The following ZNF804B variants were observed in gnomAD, a reference collection of about 807,000 sequenced individuals.
The protein encoded by ZNF804B is zinc finger 804B.
A neutral mutation model predicts 101.4 loss-of-function variants in ZNF804B; 80 were observed. The observed-to-expected ratio is 0.79, with a 90% CI of 0.66 to 0.95. The LOEUF is 0.95. Among genes scored for constraint, ZNF804B ranks in the 40% least tolerant of loss-of-function variants. The pLI is 0.00. For missense variants in ZNF804B, 1,673 were observed against 1,561.9 expected (o/e 1.07, Z -1.20); for synonymous variants, 622 against 558.8 (o/e 1.11, Z -1.59).
At chr7:88,834,882 C>A (rs1203926253) in intron 1 of ZNF804B, among the ~76,000 whole-genome samples, 3 of 151,764 alleles carry the variant, frequency 2.0e-5, no homozygotes, top group African/African-American at 7.3e-5. Flanking sequence ...GAAATACTCA[C>A]TTGCAAAATG....
Position 89,285,522 on chromosome 7 carries a change from C to CAAAAAAAAAAAA in ZNF804B, c.250-41807_250-41796dup, listed in dbSNP as rs778078214. Reference sequence around the variant, plus strand: ...TGGGCGAGAGAGCGAGACTCTGTCTCAAAAAAAAAAAAAAAAAAAAAAAAA... The same window carrying CAAAAAAAAAAAA: ...TGGGCGAGAGAGCGAGACTCTGTCTCAAAAAAAAAAAAAAAAAAAAAAAAAAAAAAAAAAAAA... On this transcript the variant is annotated intron_variant, in intron 2 of 3. Transcript: ENST00000333190. Among the ~76,000 whole-genome samples the CAAAAAAAAAAAA allele has an allele frequency of 3.1e-3, 70 of 22,390 alleles. 3 individuals are homozygous for CAAAAAAAAAAAA. Among genetic ancestry groups the CAAAAAAAAAAAA allele is most frequent in the African/African-American group, 3.8e-3 (25 of 6,566 alleles). 14.7% of individuals were successfully genotyped at this position (22,390 alleles called of 152,430 possible). A position where few individuals can be genotyped will look rare whatever the true frequency, so the allele number is the denominator to read the frequency against.
At chr7:88,990,339 T>A (rs1047147217) in intron 1 of ZNF804B, among the ~76,000 whole-genome samples, 1 of 152,058 alleles carries the variant, frequency 6.6e-6, no homozygotes, top group East Asian at 1.9e-4. Flanking sequence ...TGTATCCTTT[T>A]CCAAATTTAG....
At chr7:89,247,993 G>A (rs1254679942) in intron 2 of ZNF804B, among the ~76,000 whole-genome samples, 1 of 152,176 alleles carries the variant, frequency 6.6e-6, no homozygotes, top group East Asian at 1.9e-4. Flanking sequence ...CCAAGCCAAA[G>A]TAAGAATTTC....
intron 2 of ZNF804B, among the ~76,000 whole-genome samples, chr7:89,284,314 C>G (rs1425402002): frequency 6.6e-6 from 1 of 152,168 alleles, no homozygotes; most frequent in East Asian, 1.9e-4. Context: ...AAAACGATAT[C>G]TCTCAGTTCT....
At chr7:89,100,957 C>G (rs915297263) in intron 1 of ZNF804B, among the ~76,000 whole-genome samples, 3 of 151,834 alleles carry the variant, frequency 2.0e-5, no homozygotes, top group African/African-American at 7.3e-5. Flanking sequence ...TGTATATACA[C>G]AGGTATGTAT....
chr7:89,196,445 A>G (rs899662030), intron 1 of ZNF804B, among the ~76,000 whole-genome samples: 2 of 152,138 alleles, frequency 1.3e-5, no homozygotes, highest in African/African-American at 2.4e-5. Flanking sequence ...TTGTATCTGG[A>G]CCCCCTCCTT....
At chr7:88,851,814 T>C (rs1332833514) in intron 1 of ZNF804B, among the ~76,000 whole-genome samples, 1 of 152,124 alleles carries the variant, frequency 6.6e-6, no homozygotes, top group Non-Finnish European at 1.5e-5. Context: ...TTATAACATA[T>C]GCAGAATTGA....
chr7:89,115,905 T>TTG (rs1250443977), intron 1 of ZNF804B, among the ~76,000 whole-genome samples: 3 of 7,102 alleles, frequency 4.2e-4, no homozygotes, highest in East Asian at 6.3e-3. Flanking sequence ...GGTTTTTTTG[T>TTG]TTTTTTTTTT....
chr7:89,081,847 C>T (rs1583975589), intron 1 of ZNF804B, among the ~76,000 whole-genome samples: 1 of 151,696 alleles, frequency 6.6e-6, no homozygotes, highest in Non-Finnish European at 1.5e-5. Flanking sequence ...ACTTTCTATA[C>T]TTTAGTTTCT....
chr7:88,844,404 A>G (rs1020094378), intron 1 of ZNF804B, among the ~76,000 whole-genome samples: 10 of 152,118 alleles, frequency 6.6e-5, no homozygotes, highest in Non-Finnish European at 1.2e-4. Context: ...CTTTTTTGTG[A>G]CATTGACTAG....
intron 1 of ZNF804B, among the ~76,000 whole-genome samples, chr7:88,871,992 G>T (rs75506124): frequency 0.035 from 5,331 of 152,022 alleles, 112 homozygotes; most frequent in Admixed American, 0.044. Flanking sequence ...AAACTGAAGT[G>T]AAAGTAGTAA....
chr7:89,272,001 G>T (rs899348410), intron 2 of ZNF804B, among the ~76,000 whole-genome samples: 6 of 151,918 alleles, frequency 3.9e-5, no homozygotes, highest in African/African-American at 1.4e-4. Flanking sequence ...CCTTCATTGT[G>T]TCTTTTTAGC....
intron 1 of ZNF804B, among the ~76,000 whole-genome samples, chr7:88,875,496 G>A (rs1791916951): frequency 6.6e-6 from 1 of 152,096 alleles, no homozygotes; most frequent in South Asian, 2.1e-4. Context: ...CGATCCCACA[G>A]AAATACAAAC....
At chr7:88,978,336 T>C (rs1272090857) in intron 1 of ZNF804B, among the ~76,000 whole-genome samples, 1 of 151,852 alleles carries the variant, frequency 6.6e-6, no homozygotes. Context: ...TCTTCGTCTA[T>C]TATTGTACTG....
chr7:88,954,497 G>GT (rs1450088390), intron 1 of ZNF804B, among the ~76,000 whole-genome samples: 2 of 150,614 alleles, frequency 1.3e-5, no homozygotes, highest in Admixed American at 1.3e-4. Context: ...TAAATGTTAC[G>GT]TTTTATCTCA....
At chr7:89,177,956 A>T (rs1042590054) in intron 1 of ZNF804B, among the ~76,000 whole-genome samples, 1 of 151,952 alleles carries the variant, frequency 6.6e-6, no homozygotes, top group Non-Finnish European at 1.5e-5. Flanking sequence ...AGAACAAAAA[A>T]CAAATATTTG....
At chr7:88,857,331 T>G (rs944833523) in intron 1 of ZNF804B, among the ~76,000 whole-genome samples, 2 of 152,094 alleles carry the variant, frequency 1.3e-5, no homozygotes, top group East Asian at 3.8e-4. Context: ...GGAGCTGGTT[T>G]TTTGAAAAGC....
intron 1 of ZNF804B, among the ~76,000 whole-genome samples, chr7:89,001,466 C>CTATT (rs1788287782): frequency 6.6e-6 from 1 of 151,494 alleles, no homozygotes; most frequent in Non-Finnish European, 1.5e-5. Context: ...CACAATCATG[C>CTATT]TATTACATTT....
chr7:88,884,843 C>A (rs1177877586), intron 1 of ZNF804B, among the ~76,000 whole-genome samples: 16 of 151,598 alleles, frequency 1.1e-4, no homozygotes, highest in Non-Finnish European at 2.4e-4. Flanking sequence ...GAATTTTAAC[C>A]AGAATTATGT....
Sources: allele counts gnomAD v4.1 joint callset (sites outside exome capture counted in the v4.1 genomes callset), GRCh38; gene constraint gnomAD v4.1.1; transcripts MANE v1.5; gene names NCBI Gene and HGNC (gene_info 2026-07-23, HGNC 2026-07-21).